Variants in TPD52 observed in about 807,000 individuals in gnomAD.
TPD52 encodes tumor protein D52.
A neutral mutation model predicts 31.3 loss-of-function variants in TPD52; 17 were observed. The ratio of observed to expected loss-of-function variants is 0.54; its 90% confidence interval spans 0.37 to 0.82. The LOEUF (loss-of-function observed/expected upper bound fraction) is 0.82. Among genes scored for constraint, TPD52 ranks in the 40% least tolerant of loss-of-function variants. The pLI, the probability that TPD52 is intolerant of heterozygous loss-of-function variation, is 0.00. For missense variants in TPD52, 212 were observed against 240.1 expected (o/e 0.88, Z 0.77); for synonymous variants, 83 against 89.6 (o/e 0.93, Z 0.42).
chr8:80,116,925 C>T (rs1180948908), intron 1 of TPD52, among the ~76,000 whole-genome samples: 1 of 151,964 alleles, frequency 6.6e-6, no homozygotes, highest in African/African-American at 2.4e-5. Flanking sequence ...ATGCAAGAGA[C>T]ATAGAAAAAG....
intron 1 of TPD52, among the ~76,000 whole-genome samples, chr8:80,152,500 G>T (rs2131204570): frequency 6.6e-6 from 1 of 152,270 alleles, no homozygotes; most frequent in African/African-American, 2.4e-5. Context: ...ATGTCAGGCA[G>T]CCGGGAGCGG....
chr8:80,144,542 C>T (rs1476190525), intron 1 of TPD52, among the ~76,000 whole-genome samples: 2 of 152,284 alleles, frequency 1.3e-5, no homozygotes, highest in South Asian at 2.1e-4. Context: ...TGCCCTTCAG[C>T]GCTATGAAAG....
At chr8:80,123,580 T>C (rs1339441233) in intron 1 of TPD52, among the ~76,000 whole-genome samples, 1 of 152,180 alleles carries the variant, frequency 6.6e-6, no homozygotes, top group Non-Finnish European at 1.5e-5. Context: ...ATACTACTAA[T>C]AATTCCATCT....
intron 1 of TPD52, among the ~76,000 whole-genome samples, chr8:80,079,823 T>TAAA (rs11293416): frequency 6.6e-6 from 1 of 150,660 alleles, no homozygotes; most frequent in Non-Finnish European, 1.5e-5. Context: ...AGTTTTTCTT[T>TAAA]AAAAAAAAAA....
chr8:80,160,786 G>A (rs1326945468), intron 1 of TPD52, among the ~76,000 whole-genome samples: 1 of 149,182 alleles, frequency 6.7e-6, no homozygotes, highest in Non-Finnish European at 1.5e-5. Flanking sequence ...GCTCATGCCT[G>A]TAATTCTAGC....
In TPD52 at chr8:80,035,550, A is replaced by C. The variant is rs1809840813; in HGVS notation, c.*2566T>G. On this transcript the variant is annotated 3_prime_UTR_variant, in exon 8 of 8. Transcript: ENST00000518937. ...ATTTTTATTTTCCAATACTATACAA[A>C]AAATAGACTGTGCATATCTTAACAG... 1 of 152,230 alleles carries C rather than the reference A, an allele frequency of 6.6e-6. No individual in the cohort carries two copies. The highest frequency in any genetic ancestry group is 2.4e-5 in the African/African-American group (1 of 41,456). 9.4% of individuals were successfully genotyped at this position (152,230 alleles called of 1,614,324 possible).
chr8:80,167,663 A>G (rs1313197508), intron 1 of TPD52, among the ~76,000 whole-genome samples: 1 of 152,254 alleles, frequency 6.6e-6, no homozygotes, highest in Non-Finnish European at 1.5e-5. Context: ...TTTTAAATAA[A>G]TGATACCCCA....
intron 1 of TPD52, among the ~76,000 whole-genome samples, chr8:80,090,893 C>A (rs1431134422): frequency 3.9e-5 from 6 of 152,180 alleles, no homozygotes; most frequent in Non-Finnish European, 7.3e-5. Context: ...TTGTTAGGAA[C>A]CCCTAACAGT....
intron 1 of TPD52, among the ~76,000 whole-genome samples, chr8:80,145,539 G>A (rs1213640025): frequency 1.3e-5 from 2 of 152,214 alleles, no homozygotes; most frequent in African/African-American, 2.4e-5. Context: ...CCGGGAATGG[G>A]AATGGGTGAC....
intron 3 of TPD52, chr8:80,052,967 T>A (rs1563573727): frequency 4.1e-6 from 1 of 244,374 alleles, no homozygotes; most frequent in Non-Finnish European, 8.0e-6. Context: ...TGCCACCCAT[T>A]CTTACTGGGT....
At chr8:80,054,545 T>C (rs1811678199) in intron 2 of TPD52, among the ~76,000 whole-genome samples, 1 of 152,172 alleles carries the variant, frequency 6.6e-6, no homozygotes, top group African/African-American at 2.4e-5. Flanking sequence ...ATGCGTCTCC[T>C]GGCTTGTTGC....
intron 1 of TPD52, among the ~76,000 whole-genome samples, chr8:80,164,937 G>C (rs1352928256): frequency 9.0e-6 from 1 of 111,692 alleles, no homozygotes; most frequent in East Asian, 2.6e-4. Flanking sequence ...AGAGCTATTA[G>C]TATTTCTTCT....
intron 5 of TPD52, among the ~76,000 whole-genome samples, chr8:80,046,086 G>C (rs1810815251): frequency 6.6e-6 from 1 of 152,124 alleles, no homozygotes; most frequent in Admixed American, 6.5e-5. Context: ...TCCAGCAGTG[G>C]ATCGGTTGGG....
chr8:80,033,943 A>C (rs1326802709), downstream of TPD52, among the ~76,000 whole-genome samples: 1 of 152,040 alleles, frequency 6.6e-6, no homozygotes, highest in Admixed American at 6.5e-5. Flanking sequence ...CCCAGGCTTC[A>C]GGCTGTCCCT....
At position 80,095,596 on chromosome 8, in the gene TPD52, C is replaced by T. The variant is rs190330024; in HGVS notation, c.20-31003G>A. ...TGTTAATAATAAGGGAAACTAGGGG[C>T]GTGAAGGAACTCTGCACTACTTGTT... On this transcript the variant is annotated intron_variant, in intron 1 of 7. Transcript: ENST00000518937. 1.9e-3 allele frequency among the ~76,000 whole-genome samples: 296 copies of T among 152,204 alleles called. 1 individual carries two copies. Among genetic ancestry groups the T allele is most frequent in the Middle Eastern group, 0.01 (3 of 294 alleles).
At chr8:80,127,827 CACACACACACAG>C (rs879845582) in intron 1 of TPD52, among the ~76,000 whole-genome samples, 2,800 of 57,970 alleles carry the variant, frequency 0.048, 70 homozygotes, top group East Asian at 0.35. Flanking sequence ...CACACACACA[CACACACACACAG>C]AGATACATAA....
At chr8:80,121,470 T>C (rs1213448781) in intron 1 of TPD52, among the ~76,000 whole-genome samples, 1 of 152,236 alleles carries the variant, frequency 6.6e-6, no homozygotes, top group African/African-American at 2.4e-5. Context: ...GTTTTAGGGT[T>C]ACTCTTACTT....
intron 5 of TPD52, among the ~76,000 whole-genome samples, chr8:80,046,058 A>T (rs746843113): frequency 1.3e-5 from 2 of 152,156 alleles, no homozygotes; most frequent in Non-Finnish European, 1.5e-5. Flanking sequence ...CTAAGAACCC[A>T]TGTACAATAT....
intron 1 of TPD52, among the ~76,000 whole-genome samples, chr8:80,150,724 A>C (rs1489969146): frequency 6.6e-6 from 1 of 151,986 alleles, no homozygotes; most frequent in Admixed American, 6.5e-5. Flanking sequence ...ATATTGGCCA[A>C]TTTCTCCCAT....
Sources: gnomAD v4.1 joint callset for allele counts (sites outside exome capture counted in the v4.1 genomes callset) on GRCh38, gnomAD v4.1.1 for gene constraint, MANE v1.5 for transcripts, NCBI Gene and HGNC (gene_info 2026-07-23, HGNC 2026-07-21) for gene names.